Variants in FARP2 observed in about 807,000 individuals in gnomAD.
FARP2 encodes FERM, ARH/RhoGEF and pleckstrin domain protein 2.
In FARP2, 111 loss-of-function variants were observed where a neutral mutation model predicts 130.5. The ratio of observed to expected loss-of-function variants is 0.85; its 90% CI spans 0.73 to 1.00. FARP2 has a LOEUF of 1.00. FARP2 is among the 50% of genes least tolerant of loss of function. FARP2 has a pLI of 0.00. For missense variants in FARP2, 1,385 were observed against 1,346.3 expected, an observed-to-expected ratio of 1.03 and a Z score of -0.45; for synonymous variants, 504 against 516.9, an observed-to-expected ratio of 0.98 and a Z score of 0.34.
intron 2 of FARP2, among the ~76,000 whole-genome samples, chr2:241,397,181 T>C (rs926974759): frequency 2.6e-4 from 39 of 151,600 alleles, no homozygotes; most frequent in African/African-American, 8.2e-4. Context: ...CTGGGGACTG[T>C]TGTGCGGCGA....
chr2:241,418,073 A>G lies in FARP2; in HGVS notation c.735A>G (p.Gln245=), dbSNP rs1340554432. The G allele has an allele frequency of 1.2e-6, 2 of 1,614,222 alleles. No individual in the cohort carries two copies. The highest frequency in any genetic ancestry group is 2.7e-5 in the African/African-American group (2 of 75,060). Residue 245 remains glutamine, a synonymous_variant, in exon 8 of 27, where the codon CAA becomes CAG. Transcript: ENST00000264042. ...MASDREGTKI[Q]LAVSHMGVLV... is the part of the protein sequence containing the mutation. ...CTGACAGGGAAGGAACCAAGATTCA[A>G]CTGGCAGTTTCCCACATGGGTGTAC...
At chr2:241,400,006 G>A (rs925475947) in intron 2 of FARP2, among the ~76,000 whole-genome samples, 4 of 152,124 alleles carry the variant, frequency 2.6e-5, no homozygotes, top group African/African-American at 7.2e-5. Flanking sequence ...TTTTGTGCCC[G>A]TATTTACAAA....
At chr2:241,378,392 G>A (rs1185960160) in intron 2 of FARP2, among the ~76,000 whole-genome samples, 2 of 144,778 alleles carry the variant, frequency 1.4e-5, no homozygotes, top group East Asian at 4.1e-4. Flanking sequence ...TGGGATTACA[G>A]GTGCCAGCCA....
chr2:241,454,074 G>A (rs928584042), intron 13 of FARP2, among the ~76,000 whole-genome samples: 1 of 152,078 alleles, frequency 6.6e-6, no homozygotes, highest in South Asian at 2.1e-4. Flanking sequence ...ATGAGTCACC[G>A]CACCCGGCCA....
chr2:241,454,543 T>C (rs1017610199), intron 13 of FARP2, among the ~76,000 whole-genome samples: 22 of 152,204 alleles, frequency 1.4e-4, no homozygotes, highest in Non-Finnish European at 1.2e-4. Flanking sequence ...AAACAGCGCA[T>C]CTTCGGAAAC....
chr2:241,484,905 G>A (rs1044980226), intron 21 of FARP2, among the ~76,000 whole-genome samples: 2 of 152,132 alleles, frequency 1.3e-5, no homozygotes, highest in Non-Finnish European at 2.9e-5. Context: ...GGCCTAGAAC[G>A]GTACAGACAG....
intron 8 of FARP2, among the ~76,000 whole-genome samples, chr2:241,427,765 G>A (rs2150389631): frequency 6.6e-6 from 1 of 151,950 alleles, no homozygotes; most frequent in East Asian, 1.9e-4. Flanking sequence ...GCAGGCCCTC[G>A]GTTTTTTGTT....
At chr2:241,443,838 G>A (rs551196750) in intron 13 of FARP2, 1 of 152,352 alleles carries the variant, frequency 6.6e-6, no homozygotes, top group African/African-American at 2.4e-5. Context: ...TCTCTTCCCA[G>A]AATGTCTTGT....
chr2:241,391,352 G>A (rs936018207), intron 2 of FARP2, among the ~76,000 whole-genome samples: 1 of 152,190 alleles, frequency 6.6e-6, no homozygotes, highest in African/African-American at 2.4e-5. Flanking sequence ...TGGGAAGATG[G>A]GGTTGTAGTG....
At chr2:241,456,668 GGA>G in intron 13 of FARP2, 77 bp from the exon 14 acceptor site, 1 of 1,436,226 alleles carries the variant, frequency 7.0e-7, no homozygotes, top group Non-Finnish European at 9.8e-7. Context: ...TGAATGGTCA[GGA>G]GAGTAGTAGC....
chr2:241,436,401 C>T, intron 11 of FARP2, 80 bp from the exon 12 acceptor site: 1 of 1,204,548 alleles, frequency 8.3e-7, no homozygotes. Context: ...TTCATGGATA[C>T]AGTACATGCT....
chr2:241,381,082 C>G (rs1211114723), intron 2 of FARP2, among the ~76,000 whole-genome samples: 1 of 152,142 alleles, frequency 6.6e-6, no homozygotes, highest in Non-Finnish European at 1.5e-5. Context: ...TGGGCCCATC[C>G]TAGGGGATTG....
intron 13 of FARP2, among the ~76,000 whole-genome samples, chr2:241,455,218 G>A (rs2063798072): frequency 6.6e-6 from 1 of 152,220 alleles, no homozygotes; most frequent in African/African-American, 2.4e-5. Context: ...AGTTGTGGGT[G>A]GAGTAAGGAG....
intron 8 of FARP2, among the ~76,000 whole-genome samples, chr2:241,422,835 A>T (rs559613534): frequency 3.9e-5 from 6 of 152,356 alleles, no homozygotes; most frequent in African/African-American, 1.4e-4. Flanking sequence ...AAGTATCAAT[A>T]GCAGAATAGG....
At chr2:241,473,749 G>A (rs899256784) in intron 18 of FARP2, among the ~76,000 whole-genome samples, 3 of 152,226 alleles carry the variant, frequency 2.0e-5, no homozygotes, top group African/African-American at 7.2e-5. Context: ...CCAAGTGCTT[G>A]AGGGATGGCC....
chr2:241,491,140 C>T lies in FARP2; in HGVS notation c.2584C>T (p.Pro862Ser). The T allele has an allele frequency of 6.2e-7, 1 of 1,613,188 alleles. No homozygotes were observed. The highest frequency in any genetic ancestry group is 8.5e-7 in the Non-Finnish European group (1 of 1,179,900). Reference sequence around the variant, plus strand: ...AGCCAAGAGTGGCGGTGACACGGCCCCTGCACTGCCAGGCCGCACTGTGTG... The same window carrying T: ...AGCCAAGAGTGGCGGTGACACGGCCTCTGCACTGCCAGGCCGCACTGTGTG... Reference protein sequence around the residue: ...QAAKSGGDTAPALPGRTVCTR... With the variant: ...QAAKSGGDTASALPGRTVCTR... Residue 862 changes from proline to serine, a missense_variant, in exon 23 of 27, where the codon CCT becomes TCT. Pro to Ser is a moderately conservative substitution (Grantham distance 74). Coordinates refer to ENST00000264042, the MANE Select transcript of FARP2 (RefSeq NM_014808.4).
At chr2:241,465,866 G>T in intron 17 of FARP2, 1 of 1,492,838 alleles carries the variant, frequency 6.7e-7, no homozygotes, top group Middle Eastern at 2.2e-4. Context: ...AGGTTTTGCT[G>T]TTCTGTGTTG....
At chr2:241,428,782 C>T (rs2063021931) in intron 8 of FARP2, among the ~76,000 whole-genome samples, 1 of 152,174 alleles carries the variant, frequency 6.6e-6, no homozygotes, top group Admixed American at 6.5e-5. Context: ...GACCCTCATA[C>T]TCTTTAGCAG....
intron 13 of FARP2, 26 bp from the exon 14 acceptor site, chr2:241,456,721 C>T (rs1347593236): frequency 6.2e-7 from 1 of 1,613,396 alleles, no homozygotes; most frequent in Non-Finnish European, 8.5e-7. Flanking sequence ...ATTTCTCGCT[C>T]CATCCCCCTC....
Sources: allele counts gnomAD v4.1 joint callset (sites outside exome capture counted in the v4.1 genomes callset), GRCh38; gene constraint gnomAD v4.1.1; transcripts MANE v1.5; gene names NCBI Gene and HGNC (gene_info 2026-07-23, HGNC 2026-07-21).